Variants in FNDC3B observed in about 807,000 individuals in gnomAD.
FNDC3B encodes fibronectin type III domain containing 3B.
In FNDC3B, 12 loss-of-function variants were observed where a neutral mutation model predicts 151.5. That is an observed-to-expected ratio of 0.08 (90% confidence interval 0.05 to 0.13). The LOEUF (loss-of-function observed/expected upper bound fraction) is 0.13. FNDC3B is among the 10% of genes least tolerant of loss of function. The pLI is 1.00. For synonymous variants in FNDC3B, 528 were observed against 549.0 expected (o/e 0.96, Z 0.54); for missense variants, 1,214 against 1,505.3 (o/e 0.81, Z 3.20).
At chr3:172,104,583 C>T (rs917031402) in intron 1 of FNDC3B, among the ~76,000 whole-genome samples, 2 of 152,106 alleles carry the variant, frequency 1.3e-5, no homozygotes, top group African/African-American at 4.8e-5. Context: ...ACTAAAACAA[C>T]CTCTAGGTTT....
chr3:172,054,350 C>T (rs1576821366), intron 1 of FNDC3B, among the ~76,000 whole-genome samples: 1 of 152,304 alleles, frequency 6.6e-6, no homozygotes, highest in East Asian at 1.9e-4. Flanking sequence ...CAGGCTAAAC[C>T]TGGGTAGCTG....
At chr3:172,334,831 G>T in intron 14 of FNDC3B, 113 bp from the exon 15 acceptor site, 1 of 855,872 alleles carries the variant, frequency 1.2e-6, no homozygotes, top group Non-Finnish European at 1.8e-6. Flanking sequence ...AGAAAAAAAT[G>T]TGTGTGTGTC....
chr3:172,165,198 T>C (rs1033829046), intron 3 of FNDC3B, among the ~76,000 whole-genome samples: 1 of 152,080 alleles, frequency 6.6e-6, no homozygotes, highest in Non-Finnish European at 1.5e-5. Flanking sequence ...TTTTTAGAGA[T>C]GGGATTTCAC....
chr3:172,277,383 T>C (rs1181962242), intron 6 of FNDC3B, among the ~76,000 whole-genome samples: 1 of 152,196 alleles, frequency 6.6e-6, no homozygotes, highest in African/African-American at 2.4e-5. Context: ...TCCTGATTTA[T>C]AGATGGCACG....
chr3:172,284,272 G>A (rs559326136), intron 6 of FNDC3B, among the ~76,000 whole-genome samples: 4 of 152,194 alleles, frequency 2.6e-5, no homozygotes, highest in South Asian at 2.1e-4. Context: ...GTTTTAATGC[G>A]TTATGAAAAC....
At chr3:172,295,735 A>G (rs1189665377) in intron 8 of FNDC3B, among the ~76,000 whole-genome samples, 1 of 152,190 alleles carries the variant, frequency 6.6e-6, no homozygotes, top group Admixed American at 6.5e-5. Flanking sequence ...GTAATACATC[A>G]CTTGGTTATA....
intron 23 of FNDC3B, among the ~76,000 whole-genome samples, chr3:172,367,082 T>C (rs1266729291): frequency 2.0e-5 from 3 of 152,188 alleles, no homozygotes; most frequent in African/African-American, 7.2e-5. Flanking sequence ...ACTTGCTATG[T>C]TGAAAGGATT....
At chr3:172,240,091 T>G (rs1045126672) in intron 4 of FNDC3B, among the ~76,000 whole-genome samples, 1 of 152,058 alleles carries the variant, frequency 6.6e-6, no homozygotes, top group African/African-American at 2.4e-5. Context: ...CAGGATGGTC[T>G]TGATCTCCTG....
intron 3 of FNDC3B, among the ~76,000 whole-genome samples, chr3:172,139,962 A>C (rs1721541098): frequency 6.6e-6 from 1 of 152,112 alleles, no homozygotes; most frequent in African/African-American, 2.4e-5. Flanking sequence ...TGCCTGTCCG[A>C]AACCCATTTC....
At chr3:172,279,407 G>GT (rs1461043715) in intron 6 of FNDC3B, among the ~76,000 whole-genome samples, 2 of 152,168 alleles carry the variant, frequency 1.3e-5, no homozygotes, top group African/African-American at 4.8e-5. Flanking sequence ...TCCAGAACCT[G>GT]TTTGGAACCT....
In FNDC3B at chr3:172,378,340, T is replaced by C. The variant is rs760955773; in HGVS notation, c.3079T>C (p.Ser1027Pro). Residue 1027 changes from serine to proline, a missense_variant, in exon 24 of 26, where the codon TCC becomes CCC. Ser to Pro is a moderately conservative substitution (Grantham distance 74, BLOSUM62 -1). Coordinates refer to ENST00000415807, the MANE Select transcript of FNDC3B (RefSeq NM_022763.4). ...GAGACTGACGGAATTCACATGCTAC[T>C]CCTTCAGAATCCAGGCAGCAAGCGA... ...VQRLTEFTCY[S>P]FRIQAASEAG... is the part of the protein sequence containing the mutation. 6.2e-7 allele frequency: 1 copy of C among 1,614,018 alleles called. No homozygotes were observed.
intron 6 of FNDC3B, among the ~76,000 whole-genome samples, chr3:172,280,453 C>T (rs9812512): frequency 0.2 from 29,949 of 152,112 alleles, 4,309 homozygotes; most frequent in African/African-American, 0.41. Context: ...ACATTTTCCA[C>T]GCCCCTAGTT....
chr3:172,064,041 G>T (rs1322242562), intron 1 of FNDC3B, among the ~76,000 whole-genome samples: 1 of 152,156 alleles, frequency 6.6e-6, no homozygotes, highest in African/African-American at 2.4e-5. Context: ...TATATGGAAG[G>T]CTGTGGCCGT....
intron 1 of FNDC3B, among the ~76,000 whole-genome samples, chr3:172,098,351 C>T (rs1386732030): frequency 6.6e-6 from 1 of 152,138 alleles, no homozygotes; most frequent in Admixed American, 6.5e-5. Flanking sequence ...TCTTGATTTC[C>T]TGCATGTACC....
At chr3:172,183,660 CT>C (rs1208909424) in intron 3 of FNDC3B, among the ~76,000 whole-genome samples, 2 of 152,136 alleles carry the variant, frequency 1.3e-5, no homozygotes, top group Non-Finnish European at 2.9e-5. Context: ...GTTTATATGC[CT>C]TGTCTATTCT....
chr3:172,205,759 G>A (rs1455909666), intron 3 of FNDC3B, among the ~76,000 whole-genome samples: 1 of 152,234 alleles, frequency 6.6e-6, no homozygotes, highest in Non-Finnish European at 1.5e-5. Context: ...AGATCAGAAA[G>A]ATAATGCATT....
chr3:172,354,828 A>T (rs1734012077), intron 22 of FNDC3B, among the ~76,000 whole-genome samples: 1 of 151,246 alleles, frequency 6.6e-6, no homozygotes, highest in African/African-American at 2.4e-5. Context: ...TAAGCAGACC[A>T]TGGAGCTTGG....
intron 23 of FNDC3B, among the ~76,000 whole-genome samples, chr3:172,375,537 C>T (rs923518093): frequency 2.6e-5 from 4 of 152,158 alleles, no homozygotes; most frequent in Non-Finnish European, 4.4e-5. Flanking sequence ...ATAGGAATTA[C>T]TTACCATCTA....
At chr3:172,313,849 G>A (rs895338943) in intron 11 of FNDC3B, among the ~76,000 whole-genome samples, 1 of 152,188 alleles carries the variant, frequency 6.6e-6, no homozygotes, top group East Asian at 1.9e-4. Context: ...TGTCATTTCA[G>A]AAGTGAAGTT....
Sources: gnomAD v4.1 joint callset for allele counts (sites outside exome capture counted in the v4.1 genomes callset) on GRCh38, gnomAD v4.1.1 for gene constraint, MANE v1.5 for transcripts, NCBI Gene and HGNC (gene_info 2026-07-23, HGNC 2026-07-21) for gene names.